UBXN2A: variants seen among roughly 807,000 people sequenced by gnomAD.
UBXN2A encodes the protein UBX domain protein 2A.
In UBXN2A, 28 loss-of-function variants were observed where a neutral mutation model predicts 28.4. The observed-to-expected ratio is 0.99, with a 90% CI of 0.73 to 1.35. UBXN2A has a LOEUF of 1.35. UBXN2A is among the 40% of genes most tolerant of loss of function. UBXN2A has a pLI of 0.00. For missense variants in UBXN2A, 253 were observed against 297.9 expected (o/e 0.85, Z 1.11); for synonymous variants, 97 against 103.6 (o/e 0.94, Z 0.39).
At chr2:23,982,522 G>A (rs1479797007) in intron 4 of UBXN2A, among the ~76,000 whole-genome samples, 2 of 151,058 alleles carry the variant, frequency 1.3e-5, no homozygotes, top group African/African-American at 2.4e-5. Flanking sequence ...TGGTTGGGGG[G>A]CAGTGGTTCA....
chr2:23,971,512 A>G, intron 3 of UBXN2A, 98 bp downstream of exon 3: 7 of 1,317,218 alleles, frequency 5.3e-6, no homozygotes, highest in South Asian at 2.0e-5. Flanking sequence ...TGTTTGAGAC[A>G]AGGTCTTTCT....
At chr2:23,929,138 A>G (rs1705294670) in intron 1 of UBXN2A, among the ~76,000 whole-genome samples, 1 of 152,058 alleles carries the variant, frequency 6.6e-6, no homozygotes, top group African/African-American at 2.4e-5. Flanking sequence ...AAAGAAAGAG[A>G]GAGAGACAGG....
upstream of UBXN2A, chr2:23,940,317 G>T (rs1187923723): frequency 6.6e-6 from 1 of 151,914 alleles, no homozygotes; most frequent in Non-Finnish European, 1.5e-5. Flanking sequence ...GCAGCTAGCC[G>T]CCGGGCCAGT....
chr2:23,947,300 G>A (rs11883604), intron 1 of UBXN2A, among the ~76,000 whole-genome samples: 3,986 of 152,202 alleles, frequency 0.026, 177 homozygotes, highest in African/African-American at 0.091. Flanking sequence ...TCTCCTGATT[G>A]ATTTCATCAC....
chr2:23,961,233 C>G (rs558564809), intron 2 of UBXN2A, among the ~76,000 whole-genome samples: 1 of 150,814 alleles, frequency 6.6e-6, no homozygotes, highest in South Asian at 2.1e-4. Context: ...GTAGCTGGGA[C>G]TACAGGTGTG....
At chr2:23,943,840 C>T in intron 1 of UBXN2A, 1 of 357,372 alleles carries the variant, frequency 2.8e-6, no homozygotes, top group Non-Finnish European at 5.5e-6. Flanking sequence ...CAGACCAGAA[C>T]CCAAGATGGC....
At chr2:23,953,488 A>G (rs1257071087) in intron 1 of UBXN2A, among the ~76,000 whole-genome samples, 1 of 152,226 alleles carries the variant, frequency 6.6e-6, no homozygotes, top group Non-Finnish European at 1.5e-5. Context: ...TTATAGCTAC[A>G]GTCCCATCGT....
intron 4 of UBXN2A, among the ~76,000 whole-genome samples, chr2:23,981,476 TAAAAAAAAAA>T (rs55665209): frequency 3.5e-4 from 10 of 28,918 alleles, no homozygotes; most frequent in East Asian, 1.8e-3. Flanking sequence ...AGCTCCTATC[TAAAAAAAAAA>T]AAAAAAAAAA....
At chr2:23,945,934 A>G (rs1417879432) in intron 1 of UBXN2A, among the ~76,000 whole-genome samples, 1 of 151,408 alleles carries the variant, frequency 6.6e-6, no homozygotes, top group Non-Finnish European at 1.5e-5. Flanking sequence ...AGGTTCAAGC[A>G]ATTCTCGTGC....
At chr2:23,957,309 CT>C (rs954172813) in intron 1 of UBXN2A, among the ~76,000 whole-genome samples, 1 of 150,906 alleles carries the variant, frequency 6.6e-6, no homozygotes, top group Non-Finnish European at 1.5e-5. Flanking sequence ...GCCTGGCTAA[CT>C]TTTTTTTTCT....
chr2:23,988,938 C>T (rs1254307383), intron 6 of UBXN2A, among the ~76,000 whole-genome samples: 1 of 152,016 alleles, frequency 6.6e-6, no homozygotes, highest in Non-Finnish European at 1.5e-5. Flanking sequence ...TCCTTGTTTT[C>T]AGCACAAAAT....
intron 1 of UBXN2A, among the ~76,000 whole-genome samples, chr2:23,930,904 C>T (rs543620595): frequency 1.4e-4 from 22 of 152,066 alleles, no homozygotes; most frequent in East Asian, 5.8e-4. Flanking sequence ...CAGTGGCTCA[C>T]GCCTGTAATT....
chr2:23,968,523 ATT>A (rs1707267037), intron 2 of UBXN2A, among the ~76,000 whole-genome samples: 1 of 152,032 alleles, frequency 6.6e-6, no homozygotes, highest in East Asian at 1.9e-4. Context: ...AATACAAAAA[ATT>A]AGCCAGGTGT....
intron 3 of UBXN2A, among the ~76,000 whole-genome samples, chr2:23,975,450 G>A (rs1390851496): frequency 2.6e-5 from 4 of 152,102 alleles, no homozygotes; most frequent in Non-Finnish European, 5.9e-5. Flanking sequence ...CAGACTGAGA[G>A]CGGTACCAAT....
chr2:23,946,868 T>C (rs536182428), intron 1 of UBXN2A, among the ~76,000 whole-genome samples: 27 of 151,080 alleles, frequency 1.8e-4, no homozygotes, highest in African/African-American at 6.3e-4. Context: ...CAGAAGAGTC[T>C]CAGACTCCCA....
intron 6 of UBXN2A, among the ~76,000 whole-genome samples, chr2:23,999,429 A>C (rs1708658754): frequency 1.3e-5 from 2 of 152,186 alleles, no homozygotes; most frequent in African/African-American, 4.8e-5. Context: ...ATATATTAAC[A>C]TATCCAGAGT....
intron 1 of UBXN2A, among the ~76,000 whole-genome samples, chr2:23,953,072 A>G (rs1706453193): frequency 6.6e-6 from 1 of 151,776 alleles, no homozygotes; most frequent in Non-Finnish European, 1.5e-5. Flanking sequence ...CTTCAAATTT[A>G]TGATTTGGAG....
At chr2:23,948,293 G>A (rs1318890824) in intron 1 of UBXN2A, among the ~76,000 whole-genome samples, 2 of 113,580 alleles carry the variant, frequency 1.8e-5, no homozygotes, top group African/African-American at 6.8e-5. Context: ...CACTCTTGTT[G>A]CCCAGGCTAG....
rs552514294 is a variant in UBXN2A, at chr2:24,003,380, C to T, written c.*3513C>T. ...CATGACATAAACTTGTGCTTTACCT[C>T]CTATAGCACAGCCGAGACAAGGCTG... On this transcript the variant is annotated 3_prime_UTR_variant, in exon 7 of 7. Coordinates refer to ENST00000309033, the MANE Select transcript of UBXN2A (RefSeq NM_181713.4). The T allele has an allele frequency of 6.6e-6, 1 of 152,240 alleles. No individual in the cohort carries two copies. The highest frequency in any genetic ancestry group is 1.9e-4 in the East Asian group (1 of 5,190). The allele number at this position is 152,240 out of a possible 1,614,324, so 9.4% of individuals were successfully genotyped here. A position where few individuals can be genotyped will look rare whatever the true frequency, so the allele number is the denominator to read the frequency against.
Sources: allele counts gnomAD v4.1 joint callset (sites outside exome capture counted in the v4.1 genomes callset), GRCh38; gene constraint gnomAD v4.1.1; transcripts MANE v1.5; gene names NCBI Gene and HGNC (gene_info 2026-07-23, HGNC 2026-07-21).